NAALADL2: variants seen among roughly 807,000 people sequenced by gnomAD.
NAALADL2 encodes N-acetylated alpha-linked acidic dipeptidase like 2.
Under a neutral mutation model 87.2 loss-of-function variants are expected in NAALADL2, and 76 were observed. The observed-to-expected ratio is 0.87, with a 90% CI of 0.72 to 1.05. The LOEUF (loss-of-function observed/expected upper bound fraction) is 1.05, where lower values mean the gene tolerates loss of function less well. Ranked by LOEUF, NAALADL2 falls within the 50% of genes least tolerant of loss-of-function variation. NAALADL2 has a pLI of 0.00. For missense variants in NAALADL2, 1,089 were observed against 945.8 expected, an observed-to-expected ratio of 1.15 and a Z score of -1.99; for synonymous variants, 354 against 331.0, an observed-to-expected ratio of 1.07 and a Z score of -0.75.
intron 4 of NAALADL2, among the ~76,000 whole-genome samples, chr3:175,281,850 A>G (rs1246013321): frequency 6.6e-6 from 1 of 151,912 alleles, no homozygotes; most frequent in Non-Finnish European, 1.5e-5. Context: ...GGAATGCTCA[A>G]CTTCTTCTCT....
chr3:175,300,690 A>C (rs1393337047), intron 4 of NAALADL2, among the ~76,000 whole-genome samples: 2 of 151,434 alleles, frequency 1.3e-5, no homozygotes, highest in African/African-American at 2.4e-5. Context: ...TCTTCTTTAT[A>C]GTCTGGCTAG....
chr3:175,614,133 A>C (rs9815482), intron 10 of NAALADL2, among the ~76,000 whole-genome samples: 1 of 152,038 alleles, frequency 6.6e-6, no homozygotes, highest in Admixed American at 6.5e-5. Context: ...GCTCACCGCA[A>C]CCTCCACCTC....
At chr3:175,733,657 T>A (rs1056305544) in intron 11 of NAALADL2, among the ~76,000 whole-genome samples, 1 of 152,200 alleles carries the variant, frequency 6.6e-6, no homozygotes. Context: ...CATTTCAGCA[T>A]TAACTCAAAA....
rs531831945 is a variant in NAALADL2 at position 175,621,982 on chromosome 3, CTTTG to C, written c.1801-5305_1801-5302del. 2.5e-3 allele frequency among the ~76,000 whole-genome samples: 382 copies of C among 152,260 alleles called. 2 individuals are homozygous for C. Among genetic ancestry groups the C allele is most frequent in the Non-Finnish European group, 4.6e-3 (314 of 68,020 alleles). Reference sequence around the variant, plus strand: ...AGTTTTCTAGATAACAGCTTCTTGACTTTGTTTCAGTTTCCTATTATTGCTACCA... The same window carrying C: ...AGTTTTCTAGATAACAGCTTCTTGACTTTCAGTTTCCTATTATTGCTACCA... On this transcript the variant is annotated intron_variant, in intron 10 of 13. Transcript: ENST00000454872.
intron 1 of NAALADL2, among the ~76,000 whole-genome samples, chr3:175,078,348 C>G (rs984127372): frequency 6.6e-6 from 1 of 151,838 alleles, no homozygotes. Context: ...CTTTATCTTA[C>G]GTTTAGGAAA....
chr3:175,423,951 A>T (rs1325774323), intron 5 of NAALADL2, among the ~76,000 whole-genome samples: 1 of 152,120 alleles, frequency 6.6e-6, no homozygotes, highest in East Asian at 1.9e-4. Context: ...TTTTAATGAT[A>T]GCCTTTCTAA....
chr3:175,037,911 C>G (rs1233903395), intron 1 of NAALADL2, among the ~76,000 whole-genome samples: 2 of 152,068 alleles, frequency 1.3e-5, no homozygotes, highest in Non-Finnish European at 2.9e-5. Flanking sequence ...ATGAATGAAG[C>G]CTCTGCTGCC....
chr3:175,531,919 G>A (rs1201077347), intron 9 of NAALADL2, among the ~76,000 whole-genome samples: 1 of 152,202 alleles, frequency 6.6e-6, no homozygotes, highest in African/African-American at 2.4e-5. Flanking sequence ...GTCCTTGATG[G>A]TGGTGCTAAT....
At chr3:174,653,819 A>T (rs1200583858) in intron 2 of NAALADL2, among the ~76,000 whole-genome samples, 1 of 152,248 alleles carries the variant, frequency 6.6e-6, no homozygotes, top group East Asian at 1.9e-4. Context: ...ATGTAGAGAA[A>T]ATATTGATTT....
At chr3:175,534,628 C>A (rs958683387) in intron 9 of NAALADL2, among the ~76,000 whole-genome samples, 1 of 151,716 alleles carries the variant, frequency 6.6e-6, no homozygotes, top group Non-Finnish European at 1.5e-5. Flanking sequence ...TCCTCACCCT[C>A]TTCCACTTGC....
Position 175,074,324 on chromosome 3 carries a change from T to C in NAALADL2, c.44-22466T>C, listed in dbSNP as rs540525052. Reference sequence around the variant, plus strand: ...TAACGTGAGGATATATTTGGTGATATGTAAGTTATTTTAGGCCAGATTTAC... The same window carrying C: ...TAACGTGAGGATATATTTGGTGATACGTAAGTTATTTTAGGCCAGATTTAC... On this transcript the variant is annotated intron_variant, in intron 1 of 13. Transcript: ENST00000454872. Among the ~76,000 whole-genome samples, 29 of 152,206 alleles carry C rather than the reference T, an allele frequency of 1.9e-4. No individual in the cohort carries two copies. In the South Asian group the frequency reaches 5.8e-3, roughly 30 times the overall value.
chr3:175,099,576 T>C (rs755746505), intron 2 of NAALADL2, among the ~76,000 whole-genome samples: 5 of 152,206 alleles, frequency 3.3e-5, no homozygotes, highest in Non-Finnish European at 5.9e-5. Context: ...TACTGAGCCA[T>C]CTCAGCCTTA....
chr3:175,262,575 A>AGTGTGTGTGTGTGTGTGTGTGT (rs71164625), intron 4 of NAALADL2, among the ~76,000 whole-genome samples: 1 of 147,012 alleles, frequency 6.8e-6, no homozygotes, highest in African/African-American at 2.5e-5. Context: ...ATGTTGTGTG[A>AGTGTGTGTGTGTGTGTGTGTGT]GTGTGTGTGT....
Position 174,859,339 on chromosome 3 carries a change from G to T in NAALADL2, c.-69G>T, listed in dbSNP as rs1294911722. On this transcript the variant is annotated 5_prime_UTR_variant, in exon 1 of 14. Transcript: ENST00000454872. ...CAATACTACAGTAGAAAGTCAGAAG[G>T]TCACAAAGCTTGCAGGGTAAGTGAC... is the stretch of plus-strand genomic sequence containing the variant. 3.4e-6 allele frequency: 4 copies of T among 1,168,128 alleles called. No homozygotes were observed. Among genetic ancestry groups the T allele is most frequent in the Non-Finnish European group, 5.1e-6 (4 of 791,834 alleles). 72.4% of individuals were successfully genotyped at this position (1,168,128 alleles called of 1,614,324 possible). A position where few individuals can be genotyped will look rare whatever the true frequency, so the allele number is the denominator to read the frequency against.
At chr3:175,282,486 G>A (rs1754431681) in intron 4 of NAALADL2, among the ~76,000 whole-genome samples, 2 of 151,960 alleles carry the variant, frequency 1.3e-5, no homozygotes, top group African/African-American at 4.8e-5. Context: ...GGAGAAAGAG[G>A]AAGAGGGAGG....
At chr3:175,556,574 A>T (rs1290886982) in intron 9 of NAALADL2, among the ~76,000 whole-genome samples, 1 of 152,284 alleles carries the variant, frequency 6.6e-6, no homozygotes, top group East Asian at 1.9e-4. Flanking sequence ...GCTAGTATAG[A>T]TTTCTGTATG....
intron 1 of NAALADL2, among the ~76,000 whole-genome samples, chr3:174,947,645 T>C (rs937677512): frequency 2.6e-5 from 4 of 152,236 alleles, no homozygotes; most frequent in East Asian, 3.9e-4. Flanking sequence ...CTGATAACTT[T>C]TAAGAAATCT....
intron 2 of NAALADL2, among the ~76,000 whole-genome samples, chr3:175,153,331 ACAAAT>A (rs1362490188): frequency 1.3e-5 from 2 of 152,146 alleles, no homozygotes; most frequent in Non-Finnish European, 2.9e-5. Context: ...TGCCCATCTA[ACAAAT>A]GATGTTCTGT....
At chr3:175,009,335 A>G (rs1238362749) in intron 1 of NAALADL2, among the ~76,000 whole-genome samples, 1 of 152,164 alleles carries the variant, frequency 6.6e-6, no homozygotes, top group Non-Finnish European at 1.5e-5. Flanking sequence ...TTGTGAGACA[A>G]TTGCCCAAAG....
Sources: allele counts gnomAD v4.1 joint callset (sites outside exome capture counted in the v4.1 genomes callset), GRCh38; gene constraint gnomAD v4.1.1; transcripts MANE v1.5; gene names NCBI Gene and HGNC (gene_info 2026-07-23, HGNC 2026-07-21).